Variants in MASP1 observed in about 807,000 individuals in gnomAD.
MASP1 encodes the protein mannan-binding lectin serine protease 1.
In MASP1, 59 loss-of-function variants were observed where a neutral mutation model predicts 77.1. The ratio of observed to expected loss-of-function variants is 0.77; its 90% CI spans 0.62 to 0.95. The LOEUF is 0.95. MASP1 is among the 40% of genes least tolerant of loss of function. The probability of loss-of-function intolerance (pLI) is 0.00; values close to 1 mark genes in which losing one functional copy is unlikely to be tolerated. For synonymous variants in MASP1, 362 were observed against 354.5 expected, an observed-to-expected ratio of 1.02 and a Z score of -0.24; for missense variants, 885 against 912.9, an observed-to-expected ratio of 0.97 and a Z score of 0.39.
chr3:187,221,699 G>A (rs982175308), intron 14 of MASP1, among the ~76,000 whole-genome samples: 8 of 152,186 alleles, frequency 5.3e-5, no homozygotes, highest in African/African-American at 1.2e-4. Flanking sequence ...TGGCTTTGCA[G>A]CAAGCACTTT....
chr3:187,236,412 G>C lies in MASP1; in HGVS notation c.1459C>G (p.Leu487Val), dbSNP rs777629469. 13 of 1,614,224 alleles carry C rather than the reference G, an allele frequency of 8.1e-6. No individual in the cohort carries two copies. The South Asian group carries it at 1.4e-4, about 18-fold the overall frequency. ...GCTGTGAGGATCCAGGACGCAGAGA[G>C]CAGGGCCCCACTCCCAAACCACTTG... ...NDKWFGSGAL[L>V]SASWILTAAH... Residue 487 changes from leucine to valine, a missense_variant, in exon 11 of 11, where the codon CTC becomes GTC. Transcript: ENST00000296280.
At chr3:187,227,530 G>A (rs1004351124) in intron 11 of MASP1, among the ~76,000 whole-genome samples, 1 of 152,156 alleles carries the variant, frequency 6.6e-6, no homozygotes, top group African/African-American at 2.4e-5. Flanking sequence ...GAACACAGGG[G>A]TGGGGGAGGC....
intron 14 of MASP1, among the ~76,000 whole-genome samples, chr3:187,222,389 T>C (rs1324987150): frequency 6.6e-6 from 1 of 152,102 alleles, no homozygotes; most frequent in African/African-American, 2.4e-5. Context: ...AAACACCAAA[T>C]AGACCCCCGG....
chr3:187,232,317 T>C (rs985284776), downstream of MASP1, among the ~76,000 whole-genome samples: 6 of 151,674 alleles, frequency 4.0e-5, no homozygotes, highest in Non-Finnish European at 8.8e-5. Flanking sequence ...CCTTTTCTTA[T>C]CTGTAAATTT....
In MASP1 at chr3:187,236,404, C is replaced by T. The variant is rs149695036; in HGVS notation, c.1467G>A (p.Ala489=). Residue 489 remains alanine (A), a synonymous_variant, in exon 11 of 11, where the codon GCG becomes GCA. Coordinates refer to ENST00000296280, the MANE Select transcript of MASP1 (RefSeq NM_139125.4). ...CATGAGCTGCTGTGAGGATCCAGGA[C>T]GCAGAGAGCAGGGCCCCACTCCCAA... The part of the protein sequence containing the change: ...KWFGSGALLS[A]SWILTAAHVL... The T allele has an allele frequency of 1.2e-4, 198 of 1,614,196 alleles. 1 individual carries two copies. In the East Asian group the frequency reaches 1.7e-3, roughly 14 times the overall value.
chr3:187,256,352 A>G (rs1268877177), intron 5 of MASP1, among the ~76,000 whole-genome samples: 1 of 152,116 alleles, frequency 6.6e-6, no homozygotes, highest in African/African-American at 2.4e-5. Flanking sequence ...TTCTGTGCAC[A>G]GGGCCCTGTG....
chr3:187,245,698 G>A (rs1022827831), intron 8 of MASP1, among the ~76,000 whole-genome samples: 16 of 152,234 alleles, frequency 1.1e-4, no homozygotes, highest in East Asian at 5.8e-4. Flanking sequence ...TGCTTCCTCC[G>A]TTGACTTATG....
In MASP1 at chr3:187,260,733, G is replaced by A; in HGVS notation, c.547+8C>T. ...AGGGCAATGCATACAATCATTGGTA[G>A]GCTCTACCTCGGCAGGTCCTGTTGT... On this transcript the variant is annotated splice_region_variant and intron_variant, in intron 4 of 10. Transcript: ENST00000296280. The A allele has an allele frequency of 6.2e-7, 1 of 1,614,148 alleles. No homozygotes were observed.
chr3:187,247,091 A>AT lies in MASP1; in HGVS notation c.1090+3159dup, dbSNP rs137929458. 181,563 of 1,393,286 alleles carry AT rather than the reference A, an allele frequency of 0.13. 11,329 individuals are homozygous for AT. The highest frequency in any genetic ancestry group is 0.28 in the East Asian group (10,198 of 36,876). 86.3% of individuals were successfully genotyped at this position (1,393,286 alleles called of 1,614,324 possible). ...TCAGAGGTGCTAAAATAAATCCCAC[A>AT]TTTTTTTTTCATTATTTTCTGGAAT... On this transcript the variant is annotated intron_variant, in intron 8 of 10. Transcript: ENST00000296280.
chr3:187,223,384 G>A (rs1212600238), intron 13 of MASP1, among the ~76,000 whole-genome samples: 1 of 152,152 alleles, frequency 6.6e-6, no homozygotes, highest in East Asian at 1.9e-4. Flanking sequence ...AGAGCTAGGG[G>A]CACTGGTTTC....
At chr3:187,280,649 A>AT (rs760597672) in intron 2 of MASP1, among the ~76,000 whole-genome samples, 9 of 152,302 alleles carry the variant, frequency 5.9e-5, no homozygotes, top group South Asian at 2.1e-4. Flanking sequence ...TATTTAAGGG[A>AT]TTTTTTAATG....
chr3:187,235,521 C>A lies in MASP1; in HGVS notation c.*163G>T. On this transcript the variant is annotated 3_prime_UTR_variant, in exon 11 of 11. Transcript: ENST00000296280. ...CCTGCCTGGAGCCTTTTCCCTATAC[C>A]ACACTCTGCCTCTCAGGGTCCTGGG... The A allele has an allele frequency of 3.3e-6, 5 of 1,532,974 alleles. No individual in the cohort carries two copies. The highest frequency in any genetic ancestry group is 4.4e-6 in the Non-Finnish European group (5 of 1,146,520). 95.0% of individuals were successfully genotyped at this position (1,532,974 alleles called of 1,614,324 possible). A position where few individuals can be genotyped will look rare whatever the true frequency, so the allele number is the denominator to read the frequency against.
At chr3:187,243,644 C>A (rs751178854) in intron 8 of MASP1, 23 bp from the exon 9 acceptor site, 6 of 1,613,818 alleles carry the variant, frequency 3.7e-6, no homozygotes, top group Non-Finnish European at 4.2e-6. Flanking sequence ...AAGTGAGACC[C>A]CTCAACTGCC....
intron 7 of MASP1, 186 bp downstream of exon 7, chr3:187,251,448 C>A: frequency 1.1e-5 from 6 of 557,910 alleles, no homozygotes; most frequent in East Asian, 6.3e-5. Flanking sequence ...GTGCCACTTT[C>A]AGAGTGTGAG....
At chr3:187,219,223 A>C (rs1711898278) in exon 16 of MASP1, 1 of 152,122 alleles carries the variant, frequency 6.6e-6, no homozygotes. Flanking sequence ...TATCAGGGGG[A>C]AAATGGCTTC....
intron 2 of MASP1, among the ~76,000 whole-genome samples, chr3:187,282,400 G>A (rs1432622580): frequency 6.6e-6 from 1 of 151,820 alleles, no homozygotes; most frequent in African/African-American, 2.4e-5. Flanking sequence ...AGGAGGCTGA[G>A]GCAGGGGAAT....
intron 8 of MASP1, among the ~76,000 whole-genome samples, chr3:187,248,669 C>T (rs1345696570): frequency 6.6e-6 from 1 of 152,174 alleles, no homozygotes; most frequent in Non-Finnish European, 1.5e-5. Context: ...GCCACCACCA[C>T]TTGAGTTCCG....
rs1035642307 is a variant in MASP1, at chr3:187,235,129, C to T, written c.*555G>A. The T allele has an allele frequency of 3.9e-6, 5 of 1,287,278 alleles. No homozygotes were observed. In the African/African-American group the frequency reaches 6.1e-5, roughly 16 times the overall value. The allele number at this position is 1,287,278 out of a possible 1,614,324, so 79.7% of individuals were successfully genotyped here. A position where few individuals can be genotyped will look rare whatever the true frequency, so the allele number is the denominator to read the frequency against. ...CAGGCATGAAGGTGCTCCAAGGGATCACACTAAGAGAGAGGGGCTTGGCTA... is the reference window on the plus strand; with the variant it reads ...CAGGCATGAAGGTGCTCCAAGGGATTACACTAAGAGAGAGGGGCTTGGCTA... On this transcript the variant is annotated 3_prime_UTR_variant, in exon 11 of 11. Coordinates refer to ENST00000296280, the MANE Select transcript of MASP1 (RefSeq NM_139125.4).
chr3:187,253,080 T>G, intron 6 of MASP1, 88 bp downstream of exon 6: 2 of 1,573,560 alleles, frequency 1.3e-6, no homozygotes, highest in Non-Finnish European at 8.7e-7. Context: ...CCAGAGGAGA[T>G]CCAAGCCTGC....
Sources: gnomAD v4.1 joint callset for allele counts (sites outside exome capture counted in the v4.1 genomes callset) on GRCh38, gnomAD v4.1.1 for gene constraint, MANE v1.5 for transcripts, NCBI Gene and HGNC (gene_info 2026-07-23, HGNC 2026-07-21) for gene names.